Variants in C9 observed in about 807,000 individuals in gnomAD.
The protein encoded by C9 is complement C9, also known as complement component C9.
Under a neutral mutation model 65.4 loss-of-function variants are expected in C9, and 63 were observed. That is an observed-to-expected ratio of 0.96 (90% CI 0.79 to 1.19). The LOEUF (loss-of-function observed/expected upper bound fraction) is 1.19. Among genes scored for constraint, C9 ranks in the 50% most tolerant of loss-of-function variants. C9 has a pLI of 0.00. For synonymous variants in C9, 229 were observed against 227.9 expected (o/e 1.00, Z -0.04); for missense variants, 744 against 670.1 (o/e 1.11, Z -1.22).
chr5:39,311,062 T>C (rs1753473075), intron 7 of C9, 75 bp downstream of exon 7: 1 of 1,508,812 alleles, frequency 6.6e-7, no homozygotes, highest in African/African-American at 1.4e-5. Context: ...ACTTTAACCA[T>C]TGAAACAGGT....
At chr5:39,330,599 T>C (rs1418985740) in intron 5 of C9, among the ~76,000 whole-genome samples, 1 of 152,246 alleles carries the variant, frequency 6.6e-6, no homozygotes, top group African/African-American at 2.4e-5. Flanking sequence ...ATGTATGTAA[T>C]ACTTTTTAAA....
intron 10 of C9, 89 bp downstream of exon 10, chr5:39,288,634 T>C (rs1753033786): frequency 5.4e-6 from 4 of 747,166 alleles, no homozygotes; most frequent in Middle Eastern, 2.3e-4. Flanking sequence ...AGAGATTTAG[T>C]ACAAATTAAT....
rs1458795560 is a variant in C9 at position 39,359,034 on chromosome 5, ATATG to A, written c.77+5350_77+5353del. On this transcript the variant is annotated intron_variant, in intron 1 of 10. Coordinates refer to ENST00000263408, the MANE Select transcript of C9 (RefSeq NM_001737.5). ...AAATAAAAAATATATATATATATATATATGTGTGTGTGTGTATATATATGTGTAT... is the reference window on the plus strand; with the variant it reads ...AAATAAAAAATATATATATATATATATGTGTGTGTGTATATATATGTGTAT... Among the ~76,000 whole-genome samples the A allele has an allele frequency of 4.5e-4, 48 of 107,438 alleles. 1 individual carries two copies. Among genetic ancestry groups the A allele is most frequent in the East Asian group, 3.8e-3 (17 of 4,516 alleles). The allele number at this position is 107,438 out of a possible 152,430, so 70.5% of individuals were successfully genotyped here.
intron 5 of C9, among the ~76,000 whole-genome samples, chr5:39,324,582 T>C (rs1319710505): frequency 6.6e-6 from 1 of 152,186 alleles, no homozygotes; most frequent in Non-Finnish European, 1.5e-5. Context: ...CTTTTCTCAC[T>C]ATGCCAGAAT....
At chr5:39,351,400 C>A (rs1754319862) in intron 1 of C9, among the ~76,000 whole-genome samples, 2 of 152,202 alleles carry the variant, frequency 1.3e-5, no homozygotes, top group South Asian at 4.1e-4. Flanking sequence ...GAATTTCTCC[C>A]CAGAAAATGA....
At chr5:39,346,469 A>G (rs2111965103) in intron 1 of C9, among the ~76,000 whole-genome samples, 1 of 152,378 alleles carries the variant, frequency 6.6e-6, no homozygotes, top group Admixed American at 6.5e-5. Flanking sequence ...AGACTAAACC[A>G]GGAAGAAGTT....
Position 39,285,040 on chromosome 5 carries a change from A to G in C9, c.*159T>C. 1 of 638,994 alleles carries G rather than the reference A, an allele frequency of 1.6e-6. No homozygotes were observed. The highest frequency in any genetic ancestry group is 2.8e-5 in the East Asian group (1 of 36,146). The allele number at this position is 638,994 out of a possible 1,614,324, so 39.6% of individuals were successfully genotyped here. A position where few individuals can be genotyped will look rare whatever the true frequency, so the allele number is the denominator to read the frequency against. On this transcript the variant is annotated 3_prime_UTR_variant, in exon 11 of 11. Coordinates refer to ENST00000263408, the MANE Select transcript of C9 (RefSeq NM_001737.5). ...AGGAGTTTAAGGAAGAAAAATTTAA[A>G]AAAAAATTATAGACCTAAGAGAGAA... is the stretch of plus-strand genomic sequence containing the variant.
chr5:39,315,992 T>G lies in C9; in HGVS notation c.653A>C (p.Glu218Ala). Reference protein sequence around the residue: ...GEKNFRTEHYEEQIEAFKSII... With the variant: ...GEKNFRTEHYAEQIEAFKSII... ...ACTTTTAAATGCTTCAATTTGTTCT[T>G]CGTAATGTTCGGTTCTGAAATTTTT... Residue 218 changes from glutamate to alanine, a missense_variant, in exon 6 of 11, where the codon GAA becomes GCA. Glu to Ala is a moderately radical substitution (Grantham distance 107, BLOSUM62 -1). Transcript: ENST00000263408. 1 of 1,612,498 alleles carries G rather than the reference T, an allele frequency of 6.2e-7. No individual in the cohort carries two copies. The highest frequency in any genetic ancestry group is 1.1e-5 in the South Asian group (1 of 90,856).
intron 9 of C9, among the ~76,000 whole-genome samples, chr5:39,299,211 T>C (rs76115646): frequency 0.038 from 5,735 of 152,080 alleles, 184 homozygotes; most frequent in Non-Finnish European, 0.056. Flanking sequence ...ATCTAAGGAA[T>C]TGAAACTCTC....
chr5:39,361,656 G>T (rs1754523548), intron 1 of C9, among the ~76,000 whole-genome samples: 3 of 152,182 alleles, frequency 2.0e-5, no homozygotes, highest in Admixed American at 1.3e-4. Context: ...ATCGAACCCA[G>T]GCCACCTGGC....
intron 5 of C9, among the ~76,000 whole-genome samples, chr5:39,318,009 C>A (rs954940812): frequency 1.3e-5 from 2 of 152,048 alleles, no homozygotes; most frequent in Non-Finnish European, 2.9e-5. Flanking sequence ...TTGCTTATGT[C>A]CTCTCTGATT....
Position 39,311,284 on chromosome 5 carries a change from C to T in C9, c.964G>A (p.Asp322Asn), listed in dbSNP as rs879179423. 1 of 1,613,762 alleles carries T rather than the reference C, an allele frequency of 6.2e-7. No individual in the cohort carries two copies. The highest frequency in any genetic ancestry group is 1.1e-5 in the South Asian group (1 of 91,072). ...TAGGTAGTTGGCAAAGCTTTTATAT[C>T]ATCCACAAAAGTTGTTGTGAGCACA... is the stretch of plus-strand genomic sequence containing the variant. Reference protein sequence around the residue: ...DVVLTTTFVDDIKALPTTYEK... With the variant: ...DVVLTTTFVDNIKALPTTYEK... Residue 322 changes from aspartate to asparagine, a missense_variant, in exon 7 of 11, where the codon GAT becomes AAT. By Grantham distance (23) the Asp-to-Asn change is conservative (BLOSUM62 1). Transcript: ENST00000263408.
intron 9 of C9, among the ~76,000 whole-genome samples, chr5:39,292,459 G>C (rs922855320): frequency 1.9e-4 from 28 of 151,198 alleles, no homozygotes; most frequent in African/African-American, 6.8e-4. Context: ...TTTGATACTA[G>C]CTAATGCACA....
Position 39,284,304 on chromosome 5 carries a change from T to C in C9, c.*895A>G, listed in dbSNP as rs1752949196. On this transcript the variant is annotated 3_prime_UTR_variant, in exon 11 of 11. Transcript: ENST00000263408. ...CTTTTTTTAAAGAGTTCTCAGACCTTTCAAAAGGTCTCAGACCCTAAGCAC... is the reference window on the plus strand; with the variant it reads ...CTTTTTTTAAAGAGTTCTCAGACCTCTCAAAAGGTCTCAGACCCTAAGCAC... 1.3e-5 allele frequency: 2 copies of C among 152,120 alleles called. No homozygotes were observed. Among genetic ancestry groups the C allele is most frequent in the Non-Finnish European group, 2.9e-5 (2 of 68,014 alleles). The allele number at this position is 152,120 out of a possible 1,614,324, so 9.4% of individuals were successfully genotyped here.
rs369898592 is a variant in C9 at position 39,363,793 on chromosome 5, A to G, written c.77+595T>C. ...TTTGCAATTCCGATTAGGATCAGAG[A>G]AAAAGGAGAAAAAGTATCTTTGGTA... On this transcript the variant is annotated intron_variant, in intron 1 of 10. Transcript: ENST00000263408. Among the ~76,000 whole-genome samples the G allele has an allele frequency of 9.8e-5, 15 of 152,288 alleles. No individual in the cohort carries two copies. In the South Asian group the frequency reaches 1.7e-3, roughly 17 times the overall value.
Position 39,307,420 on chromosome 5 carries a change from G to T in C9, c.1241-628C>A, listed in dbSNP as rs551974966. Among the ~76,000 whole-genome samples the T allele has an allele frequency of 8.5e-4, 129 of 152,228 alleles. 1 individual carries two copies. Among genetic ancestry groups the T allele is most frequent in the African/African-American group, 3.0e-3 (123 of 41,550 alleles). On this transcript the variant is annotated intron_variant, in intron 8 of 10. Transcript: ENST00000263408. ...AATTGGAAACTTAGAGAGGTGGAGT[G>T]ACTAGTCAGAGATCACACAGTTAGC...
At chr5:39,338,355 T>C (rs1402357344) in intron 4 of C9, among the ~76,000 whole-genome samples, 2 of 152,018 alleles carry the variant, frequency 1.3e-5, no homozygotes, top group Non-Finnish European at 2.9e-5. Flanking sequence ...GGTAGAAAAA[T>C]ATAGTTTTAT....
intron 5 of C9, among the ~76,000 whole-genome samples, chr5:39,329,661 T>C (rs1579862211): frequency 6.6e-6 from 1 of 152,336 alleles, no homozygotes; most frequent in East Asian, 1.9e-4. Context: ...CAATAAATTA[T>C]TGCCAATAAG....
chr5:39,346,987 A>G (rs1339067761), intron 1 of C9, among the ~76,000 whole-genome samples: 1 of 152,030 alleles, frequency 6.6e-6, no homozygotes, highest in Non-Finnish European at 1.5e-5. Context: ...CATGCTAAAA[A>G]CTCTCTATAA....
Sources: allele counts gnomAD v4.1 joint callset (sites outside exome capture counted in the v4.1 genomes callset), GRCh38; gene constraint gnomAD v4.1.1; transcripts MANE v1.5; gene names NCBI Gene and HGNC (gene_info 2026-07-23, HGNC 2026-07-21).